The following ABCB5 variants were observed in gnomAD, a reference collection of about 807,000 sequenced individuals.
ABCB5 encodes ATP binding cassette subfamily B member 5.
In ABCB5, 155 loss-of-function variants were observed where a neutral mutation model predicts 144.2. The ratio of observed to expected loss-of-function variants is 1.08; its 90% confidence interval spans 0.94 to 1.23. ABCB5 has a LOEUF of 1.23. Ranked by LOEUF, ABCB5 falls within the 50% of genes most tolerant of loss-of-function variation. ABCB5 has a pLI of 0.00. For missense variants in ABCB5, 1,830 were observed against 1,520.8 expected (o/e 1.20, Z -3.38); for synonymous variants, 610 against 528.6 (o/e 1.15, Z -2.11).
At chr7:20,637,279 CCTGT>C (rs2128021064) in intron 5 of ABCB5, among the ~76,000 whole-genome samples, 1 of 152,164 alleles carries the variant, frequency 6.6e-6, no homozygotes, top group East Asian at 1.9e-4. Flanking sequence ...AGTCTATGCC[CCTGT>C]CTAATTTCTC....
At chr7:20,712,225 C>T (rs201525265) in intron 20 of ABCB5, among the ~76,000 whole-genome samples, 1 of 97,224 alleles carries the variant, frequency 1.0e-5, no homozygotes, top group African/African-American at 4.2e-5. Context: ...TTGATTTTTT[C>T]AACCAAGAAT....
At chr7:20,704,359 C>T (rs1422619561) in intron 19 of ABCB5, among the ~76,000 whole-genome samples, 2 of 152,150 alleles carry the variant, frequency 1.3e-5, no homozygotes, top group South Asian at 2.1e-4. Context: ...AGGTGTGAGC[C>T]ACCGCTCTGG....
intron 14 of ABCB5, among the ~76,000 whole-genome samples, chr7:20,662,246 G>C (rs1459305686): frequency 6.6e-6 from 1 of 152,224 alleles, no homozygotes; most frequent in Non-Finnish European, 1.5e-5. Context: ...TGAAAACACA[G>C]GGTTGCTTTA....
intron 26 of ABCB5, among the ~76,000 whole-genome samples, chr7:20,750,185 A>T (rs1782872727): frequency 6.6e-6 from 1 of 152,198 alleles, no homozygotes; most frequent in African/African-American, 2.4e-5. Flanking sequence ...ATTTCCAGGG[A>T]TAGGTTTTGA....
chr7:20,725,209 C>T (rs1014196678), intron 21 of ABCB5, among the ~76,000 whole-genome samples: 2 of 152,176 alleles, frequency 1.3e-5, no homozygotes, highest in South Asian at 2.1e-4. Context: ...CAATTTAGAA[C>T]ATAGACTAAT....
intron 19 of ABCB5, among the ~76,000 whole-genome samples, chr7:20,704,338 G>A (rs914727553): frequency 1.3e-5 from 2 of 151,986 alleles, no homozygotes; most frequent in Non-Finnish European, 2.9e-5. Context: ...CTTCCAAAGT[G>A]TTGGAATTAC....
chr7:20,706,967 A>G (rs1305946116), intron 20 of ABCB5, among the ~76,000 whole-genome samples: 3 of 152,246 alleles, frequency 2.0e-5, no homozygotes, highest in Non-Finnish European at 4.4e-5. Flanking sequence ...AGATGGATTC[A>G]TATTCAATTT....
intron 16 of ABCB5, among the ~76,000 whole-genome samples, chr7:20,696,447 A>T (rs912156825): frequency 6.6e-6 from 1 of 152,058 alleles, no homozygotes; most frequent in African/African-American, 2.4e-5. Context: ...GTGTGGAGAG[A>T]GGGATGATAA....
chr7:20,742,752 C>T (rs1782600622), intron 24 of ABCB5, 125 bp from the exon 25 acceptor site: 3 of 874,792 alleles, frequency 3.4e-6, no homozygotes, highest in East Asian at 5.3e-5. Context: ...GAGATGCATA[C>T]ATGTTTAAAA....
intron 12 of ABCB5, 117 bp from the exon 13 acceptor site, chr7:20,651,299 TAGTC>T: frequency 1.2e-6 from 1 of 854,510 alleles, no homozygotes; most frequent in Middle Eastern, 2.3e-4. Context: ...TATCAAAATA[TAGTC>T]AGTCTTTGAT....
chr7:20,747,591 T>C (rs1421954069), intron 26 of ABCB5, among the ~76,000 whole-genome samples: 4 of 152,216 alleles, frequency 2.6e-5, no homozygotes, highest in Non-Finnish European at 5.9e-5. Context: ...TATTATCTTC[T>C]ATTCTTTTTA....
Position 20,711,771 on chromosome 7 carries a change from CTTCTTTCTCT to C in ABCB5, c.2421+6973_2421+6982del, listed in dbSNP as rs1206484310. On this transcript the variant is annotated intron_variant, in intron 20 of 27. Transcript: ENST00000404938. ...ACCCAGCCCAGCCTGCCTGCCTTTC[CTTCTTTCTCT>C]TTCTTTCTTTCTTTCTTTCTTTCTT... 8.6e-5 allele frequency among the ~76,000 whole-genome samples: 10 copies of C among 115,774 alleles called. 2 individuals are homozygous for C. The highest frequency in any genetic ancestry group is 3.2e-4 in the African/African-American group (10 of 31,204). The allele number at this position is 115,774 out of a possible 152,430, so 76.0% of individuals were successfully genotyped here.
chr7:20,713,737 T>C (rs2128046970), intron 20 of ABCB5, among the ~76,000 whole-genome samples: 1 of 149,790 alleles, frequency 6.7e-6, no homozygotes, highest in South Asian at 2.2e-4. Flanking sequence ...CCCTTCCACA[T>C]ACTCTACCTA....
At chr7:20,721,582 A>G (rs1261538884) in intron 20 of ABCB5, among the ~76,000 whole-genome samples, 2 of 152,184 alleles carry the variant, frequency 1.3e-5, no homozygotes, top group African/African-American at 4.8e-5. Flanking sequence ...TTTCCTTTCC[A>G]TAGCAACTCT....
At chr7:20,745,113 T>C in intron 25 of ABCB5, 119 bp from the exon 26 acceptor site, 7 of 1,097,388 alleles carry the variant, frequency 6.4e-6, no homozygotes, top group Non-Finnish European at 8.0e-6. Flanking sequence ...CTTTATACTT[T>C]GAAATAGCTT....
At chr7:20,650,522 G>C (rs777572648) in intron 12 of ABCB5, among the ~76,000 whole-genome samples, 1 of 151,628 alleles carries the variant, frequency 6.6e-6, no homozygotes, top group Non-Finnish European at 1.5e-5. Context: ...GAATTTCAAA[G>C]TTTGTTCCAG....
chr7:20,742,850 C>T (rs763482839), intron 24 of ABCB5, 27 bp from the exon 25 acceptor site: 1 of 1,610,862 alleles, frequency 6.2e-7, no homozygotes, highest in East Asian at 2.2e-5. Flanking sequence ...AGTCATTCTT[C>T]TCAACTCTGT....
At chr7:20,661,761 C>T (rs961497848) in intron 14 of ABCB5, among the ~76,000 whole-genome samples, 18 of 152,076 alleles carry the variant, frequency 1.2e-4, no homozygotes, top group African/African-American at 4.3e-4. Flanking sequence ...TCTTGACCTC[C>T]TGACCTTGTG....
At chr7:20,677,464 C>T (rs1432699826) in intron 14 of ABCB5, among the ~76,000 whole-genome samples, 1 of 152,166 alleles carries the variant, frequency 6.6e-6, no homozygotes. Flanking sequence ...AAATACTGCC[C>T]TTTGCCAGTA....
Sources: allele counts gnomAD v4.1 joint callset (sites outside exome capture counted in the v4.1 genomes callset), GRCh38; gene constraint gnomAD v4.1.1; transcripts MANE v1.5; gene names NCBI Gene and HGNC (gene_info 2026-07-23, HGNC 2026-07-21).